RBFOX1: variants seen among roughly 807,000 people sequenced by gnomAD.
RBFOX1 encodes the protein RNA binding protein fox-1 homolog 1.
Under a neutral mutation model 57.7 loss-of-function variants are expected in RBFOX1, and 8 were observed. The observed-to-expected ratio is 0.14, with a 90% CI of 0.08 to 0.25. RBFOX1 has a LOEUF of 0.25. RBFOX1 is among the 10% of genes least tolerant of loss of function. RBFOX1 has a pLI of 1.00. For synonymous variants in RBFOX1, 326 were observed against 222.4 expected, an observed-to-expected ratio of 1.47 and a Z score of -4.15; for missense variants, 611 against 548.5, an observed-to-expected ratio of 1.11 and a Z score of -1.14.
rs2076806935 is a variant in RBFOX1, at chr16:7,518,304, C to T, written c.185C>T (p.Thr62Ile). ...GGCCAGACCACGGTTCCCGAGCACA[C>T]ATTAAACCTGTACCCTCCCGCCCAG... ...YTGQTTVPEH[T>I]LNLYPPAQTH... Residue 62 changes from threonine (T) to isoleucine (I), a missense_variant, in exon 5 of 16, where the codon ACA becomes ATA. Transcript: ENST00000550418. 1 of 1,614,140 alleles carries T rather than the reference C, an allele frequency of 6.2e-7. No individual in the cohort carries two copies. The highest frequency in any genetic ancestry group is 8.5e-7 in the Non-Finnish European group (1 of 1,180,024).
chr16:7,023,637 G>A (rs542979283), intron 3 of RBFOX1, among the ~76,000 whole-genome samples: 3 of 147,778 alleles, frequency 2.0e-5, no homozygotes, highest in African/African-American at 7.5e-5. Context: ...TCAGCACTGG[G>A]AAGGCCCCAG....
intron 3 of RBFOX1, among the ~76,000 whole-genome samples, chr16:5,714,750 C>G (rs576656708): frequency 6.6e-6 from 1 of 152,276 alleles, no homozygotes; most frequent in South Asian, 2.1e-4. Flanking sequence ...ATTGTGCATA[C>G]CACACTGAGT....
At chr16:5,737,947 G>C (rs558429186) in intron 3 of RBFOX1, among the ~76,000 whole-genome samples, 6 of 152,156 alleles carry the variant, frequency 3.9e-5, no homozygotes, top group African/African-American at 1.2e-4. Flanking sequence ...ACAGTGGCTG[G>C]CTGCACCCGC....
chr16:5,373,057 C>T (rs530022628), intron 1 of RBFOX1, among the ~76,000 whole-genome samples: 91 of 152,332 alleles, frequency 6.0e-4, no homozygotes, highest in African/African-American at 1.4e-3. Context: ...ATCACCTCTT[C>T]TCACTTCTGA....
chr16:7,568,190 G>T (rs1469667009), intron 5 of RBFOX1, among the ~76,000 whole-genome samples: 1 of 152,144 alleles, frequency 6.6e-6, no homozygotes, highest in African/African-American at 2.4e-5. Context: ...AGAAACAAAA[G>T]AATGGCTACT....
At chr16:5,660,339 C>G (rs1368512848) in intron 3 of RBFOX1, among the ~76,000 whole-genome samples, 3 of 152,132 alleles carry the variant, frequency 2.0e-5, no homozygotes, top group Admixed American at 1.3e-4. Flanking sequence ...TCTCCTCTCC[C>G]TCGCGTTTTC....
At chr16:7,202,844 C>T (rs1235080645) in intron 4 of RBFOX1, among the ~76,000 whole-genome samples, 2 of 152,180 alleles carry the variant, frequency 1.3e-5, no homozygotes, top group Non-Finnish European at 2.9e-5. Context: ...CAAAACTGGT[C>T]CCTGGTGCCA....
At chr16:7,267,270 C>T (rs903869294) in intron 4 of RBFOX1, among the ~76,000 whole-genome samples, 1 of 151,782 alleles carries the variant, frequency 6.6e-6, no homozygotes, top group Non-Finnish European at 1.5e-5. Context: ...CACGGTGGCT[C>T]ATGCCTGTAA....
chr16:6,368,087 A>C (rs75184982), intron 2 of RBFOX1, among the ~76,000 whole-genome samples: 3,055 of 152,224 alleles, frequency 0.02, 51 homozygotes, highest in Middle Eastern at 0.055. Context: ...TGTTTCCGTC[A>C]TTTTGTACCC....
intron 3 of RBFOX1, among the ~76,000 whole-genome samples, chr16:5,806,398 C>G (rs372977535): frequency 6.6e-6 from 1 of 152,150 alleles, no homozygotes; most frequent in African/African-American, 2.4e-5. Context: ...GCTATGTACT[C>G]ACATGATGGA....
intron 1 of RBFOX1, among the ~76,000 whole-genome samples, chr16:5,253,124 C>A (rs2062495990): frequency 6.6e-6 from 1 of 152,098 alleles, no homozygotes; most frequent in South Asian, 2.1e-4. Flanking sequence ...TCCCCTTTAG[C>A]AAATGCTGTG....
intron 2 of RBFOX1, among the ~76,000 whole-genome samples, chr16:6,609,491 A>C (rs1319424058): frequency 6.6e-6 from 1 of 152,072 alleles, no homozygotes; most frequent in East Asian, 1.9e-4. Flanking sequence ...CAACAGGTGC[A>C]TGCCACCACA....
At chr16:6,723,971 A>G (rs970720489) in intron 3 of RBFOX1, 1 of 152,160 alleles carries the variant, frequency 6.6e-6, no homozygotes, top group Non-Finnish European at 1.5e-5. Flanking sequence ...GCTGAGGGCA[A>G]GTAGGATTTT....
At chr16:6,695,972 G>C (rs1329329429) in intron 3 of RBFOX1, among the ~76,000 whole-genome samples, 1 of 152,146 alleles carries the variant, frequency 6.6e-6, no homozygotes, top group Non-Finnish European at 1.5e-5. Context: ...CTTTTAAAGA[G>C]ATGTACAGAC....
At chr16:6,160,026 A>G (rs2096866671) in intron 1 of RBFOX1, among the ~76,000 whole-genome samples, 1 of 152,146 alleles carries the variant, frequency 6.6e-6, no homozygotes, top group Non-Finnish European at 1.5e-5. Context: ...TATACCTGTG[A>G]TTGTTCTTAC....
intron 3 of RBFOX1, among the ~76,000 whole-genome samples, chr16:7,029,257 C>CGTATACGTATATATATATACACAT (rs2042150020): frequency 4.6e-5 from 1 of 21,942 alleles, no homozygotes; most frequent in African/African-American, 1.4e-4. Flanking sequence ...TATATACACA[C>CGTATACGTATATATATATACACAT]ATATATATAC....
At chr16:7,063,717 AAC>A (rs969229228) in intron 4 of RBFOX1, among the ~76,000 whole-genome samples, 1 of 152,208 alleles carries the variant, frequency 6.6e-6, no homozygotes, top group Non-Finnish European at 1.5e-5. Flanking sequence ...AAAAAAACCC[AAC>A]ACACACCTGG....
chr16:7,198,533 C>A (rs138890603), intron 4 of RBFOX1, among the ~76,000 whole-genome samples: 1 of 152,236 alleles, frequency 6.6e-6, no homozygotes, highest in East Asian at 1.9e-4. Flanking sequence ...ATATCTAAGA[C>A]TGGGTAACTT....
At chr16:5,820,310 C>T (rs190015262) in intron 3 of RBFOX1, among the ~76,000 whole-genome samples, 1 of 152,180 alleles carries the variant, frequency 6.6e-6, no homozygotes, top group Non-Finnish European at 1.5e-5. Flanking sequence ...GAATAGGGCA[C>T]AGAGACGTTT....
Sources: gnomAD v4.1 joint callset for allele counts (sites outside exome capture counted in the v4.1 genomes callset) on GRCh38, gnomAD v4.1.1 for gene constraint, MANE v1.5 for transcripts, NCBI Gene and HGNC (gene_info 2026-07-23, HGNC 2026-07-21) for gene names.